Variants in ASTN2 observed in about 807,000 individuals in gnomAD.
ASTN2 encodes the protein astrotactin 2, also known as astrotactin-2.
In ASTN2, 54 loss-of-function variants were observed where a neutral mutation model predicts 139.8. The ratio of observed to expected loss-of-function variants is 0.39; its 90% CI spans 0.31 to 0.48. The LOEUF is 0.48. Among genes scored for constraint, ASTN2 ranks in the 20% least tolerant of loss-of-function variants. The pLI, the probability that ASTN2 is intolerant of heterozygous loss-of-function variation, is 0.95. For missense variants in ASTN2, 1,565 were observed against 1,725.1 expected, an observed-to-expected ratio of 0.91 and a Z score of 1.64; for synonymous variants, 756 against 719.5, an observed-to-expected ratio of 1.05 and a Z score of -0.81.
At chr9:116,455,697 C>G (rs1848311430) in intron 20 of ASTN2, among the ~76,000 whole-genome samples, 1 of 149,406 alleles carries the variant, frequency 6.7e-6, no homozygotes, top group African/African-American at 2.5e-5. Context: ...TTTACTTTAA[C>G]AGCAACAATA....
At chr9:116,941,664 T>C (rs1250251650) in intron 10 of ASTN2, among the ~76,000 whole-genome samples, 1 of 151,312 alleles carries the variant, frequency 6.6e-6, no homozygotes, top group African/African-American at 2.4e-5. Context: ...AGCATCTCCA[T>C]GGGCCAGTAT....
intron 16 of ASTN2, chr9:116,686,899 C>A: frequency 6.6e-7 from 1 of 1,520,450 alleles, no homozygotes; most frequent in Non-Finnish European, 8.8e-7. Flanking sequence ...CTCGACTTCC[C>A]CAGAATGGAA....
intron 17 of ASTN2, among the ~76,000 whole-genome samples, chr9:116,651,100 A>G (rs1857887054): frequency 6.6e-6 from 1 of 152,038 alleles, no homozygotes; most frequent in Non-Finnish European, 1.5e-5. Flanking sequence ...TGTTTTTAGT[A>G]GAGATGGGGT....
intron 1 of ASTN2, among the ~76,000 whole-genome samples, chr9:117,318,558 C>T (rs553326428): frequency 1.3e-5 from 2 of 152,066 alleles, no homozygotes; most frequent in African/African-American, 4.8e-5. Flanking sequence ...ATTTCAACAT[C>T]GAGGTTAATT....
chr9:116,741,888 G>A (rs1829104661), intron 13 of ASTN2, among the ~76,000 whole-genome samples: 3 of 152,106 alleles, frequency 2.0e-5, no homozygotes, highest in African/African-American at 7.2e-5. Flanking sequence ...TAAGTTCTCT[G>A]GTCAAGCACT....
intron 10 of ASTN2, among the ~76,000 whole-genome samples, chr9:116,957,242 T>C (rs1835735784): frequency 6.6e-6 from 1 of 152,162 alleles, no homozygotes. Context: ...CGTGTGTATG[T>C]TTTTATATAC....
At chr9:117,035,849 T>G (rs1389994764) in intron 6 of ASTN2, among the ~76,000 whole-genome samples, 1 of 152,224 alleles carries the variant, frequency 6.6e-6, no homozygotes, top group East Asian at 1.9e-4. Flanking sequence ...AAGTCACTTT[T>G]GGCTGGAACA....
intron 6 of ASTN2, among the ~76,000 whole-genome samples, chr9:117,024,427 G>T (rs1953180): frequency 0.96 from 146,220 of 152,062 alleles, 70,540 homozygotes; most frequent in East Asian, 1. Flanking sequence ...AAAAGTTATT[G>T]TTAAAAGTAT....
At chr9:116,518,236 G>T (rs1450724667) in intron 19 of ASTN2, among the ~76,000 whole-genome samples, 2 of 152,114 alleles carry the variant, frequency 1.3e-5, no homozygotes. Flanking sequence ...ACAAAGGAAA[G>T]AATCTTCAGA....
chr9:117,366,538 C>A (rs962108654), intron 1 of ASTN2, among the ~76,000 whole-genome samples: 1 of 152,098 alleles, frequency 6.6e-6, no homozygotes, highest in African/African-American at 2.4e-5. Context: ...ATGATCTTTT[C>A]ATAAGAAATC....
intron 10 of ASTN2, among the ~76,000 whole-genome samples, chr9:116,867,549 CAAAAA>C (rs58222492): frequency 0.42 from 32,070 of 77,102 alleles, 3,064 homozygotes; most frequent in Middle Eastern, 0.53. Flanking sequence ...GACTCTGTCT[CAAAAA>C]AAAAAAAAAA....
intron 13 of ASTN2, among the ~76,000 whole-genome samples, chr9:116,803,713 A>G (rs1830958615): frequency 6.7e-6 from 1 of 149,936 alleles, no homozygotes; most frequent in African/African-American, 2.5e-5. Flanking sequence ...TTTAGTAGCG[A>G]TGGGGTTTCA....
intron 4 of ASTN2, among the ~76,000 whole-genome samples, chr9:117,130,828 T>C (rs1829810642): frequency 6.6e-6 from 1 of 152,188 alleles, no homozygotes; most frequent in Non-Finnish European, 1.5e-5. Context: ...TATATAAACA[T>C]AGAATAAAAG....
intron 1 of ASTN2, among the ~76,000 whole-genome samples, chr9:117,347,001 C>A (rs1056966901): frequency 7.2e-5 from 11 of 152,094 alleles, no homozygotes; most frequent in African/African-American, 2.4e-4. Context: ...TTAGTCAAGA[C>A]TTACTAGTCT....
chr9:117,132,114 T>G (rs1473940075), intron 4 of ASTN2, among the ~76,000 whole-genome samples: 20 of 152,108 alleles, frequency 1.3e-4, no homozygotes, highest in Non-Finnish European at 8.8e-5. Flanking sequence ...TACAAGCAGA[T>G]TGGATCAGAC....
At chr9:117,187,577 A>G (rs910109299) in intron 3 of ASTN2, among the ~76,000 whole-genome samples, 5 of 152,176 alleles carry the variant, frequency 3.3e-5, no homozygotes. Context: ...TCATGAGAAT[A>G]GGTTAGTTAT....
chr9:117,390,856 G>A (rs2130944466), intron 1 of ASTN2, among the ~76,000 whole-genome samples: 1 of 152,274 alleles, frequency 6.6e-6, no homozygotes, highest in Middle Eastern at 3.4e-3. Flanking sequence ...TATATACCCA[G>A]GAGTGCAATT....
chr9:117,158,455 G>T (rs1258791936), intron 3 of ASTN2, among the ~76,000 whole-genome samples: 1 of 152,004 alleles, frequency 6.6e-6, no homozygotes, highest in Non-Finnish European at 1.5e-5. Flanking sequence ...TCCAGAAGTT[G>T]GTTGGATGTT....
chr9:116,439,496 G>A (rs1474299750), intron 22 of ASTN2, among the ~76,000 whole-genome samples: 5 of 139,836 alleles, frequency 3.6e-5, no homozygotes, highest in Admixed American at 1.3e-4. Context: ...CACCGCGCCC[G>A]GCCTCAAATA....
Sources: allele counts gnomAD v4.1 joint callset (sites outside exome capture counted in the v4.1 genomes callset), GRCh38; gene constraint gnomAD v4.1.1; transcripts MANE v1.5; gene names NCBI Gene and HGNC (gene_info 2026-07-23, HGNC 2026-07-21).